The following UGT1A4 variants were observed in gnomAD, a reference collection of about 807,000 sequenced individuals.
UGT1A4 encodes the protein UDP glucuronosyltransferase family 1 member A4.
A neutral mutation model predicts 41.1 loss-of-function variants in UGT1A4; 32 were observed. The observed-to-expected ratio is 0.78, with a 90% CI of 0.59 to 1.05. The LOEUF is 1.05. UGT1A4 is among the 50% of genes least tolerant of loss of function. The probability of loss-of-function intolerance (pLI) is 0.00; values close to 1 mark genes in which losing one functional copy is unlikely to be tolerated. For missense variants in UGT1A4, 748 were observed against 677.4 expected, an observed-to-expected ratio of 1.10 and a Z score of -1.16; for synonymous variants, 283 against 265.1, an observed-to-expected ratio of 1.07 and a Z score of -0.66.
chr2:233,762,168 C>A (rs986737504), intron 1 of UGT1A4, among the ~76,000 whole-genome samples: 2 of 152,090 alleles, frequency 1.3e-5, no homozygotes, highest in African/African-American at 2.4e-5. Flanking sequence ...CCACTGTATG[C>A]GGCGTCCTCA....
At chr2:233,733,206 G>C (rs1439179922) in intron 1 of UGT1A4, among the ~76,000 whole-genome samples, 1 of 152,146 alleles carries the variant, frequency 6.6e-6, no homozygotes, top group Non-Finnish European at 1.5e-5. Context: ...AGGAGACTTT[G>C]GGCTGAGACA....
rs1321370763 is a variant in UGT1A4 at position 233,760,541 on chromosome 2, G to A, written c.868-6493G>A. 6.2e-7 allele frequency: 1 copy of A among 1,614,268 alleles called. No homozygotes were observed. Among genetic ancestry groups the A allele is most frequent in the Non-Finnish European group, 8.5e-7 (1 of 1,180,050 alleles). On this transcript the variant is annotated intron_variant, in intron 1 of 4. Coordinates refer to ENST00000373409, the MANE Select transcript of UGT1A4 (RefSeq NM_007120.3). ...AAGACGTACCCTGTGCCATTCCAAA[G>A]GGAGGATGTGAAAGAGTCTTTTGTT... is the stretch of plus-strand genomic sequence containing the variant.
At chr2:233,745,046 G>GT (rs1692997137) in intron 1 of UGT1A4, among the ~76,000 whole-genome samples, 1 of 151,780 alleles carries the variant, frequency 6.6e-6, no homozygotes, top group Admixed American at 6.6e-5. Flanking sequence ...TACAGTATTG[G>GT]TTTTTTATTT....
At chr2:233,738,083 T>G (rs1690690537) in intron 1 of UGT1A4, among the ~76,000 whole-genome samples, 1 of 152,170 alleles carries the variant, frequency 6.6e-6, no homozygotes, top group Admixed American at 6.5e-5. Context: ...CCTAATCTCA[T>G]CATAGTGAGT....
In UGT1A4 at chr2:233,725,076, A is replaced by C. The variant is rs376662690; in HGVS notation, c.867+5389A>C. ...GCGGCGCGCGCCTGCAATCGCAGGC[A>C]CTCGGCAGGCTGAGGCAGGAGAATC... On this transcript the variant is annotated intron_variant, in intron 1 of 4. Transcript: ENST00000373409. 3.9e-4 allele frequency among the ~76,000 whole-genome samples: 56 copies of C among 144,798 alleles called. 8 individuals are homozygous for C. In the East Asian group the frequency reaches 0.012, roughly 30 times the overall value. 95.0% of individuals were successfully genotyped at this position (144,798 alleles called of 152,430 possible).
chr2:233,768,737 C>A (rs947383404), intron 4 of UGT1A4, among the ~76,000 whole-genome samples: 9 of 151,868 alleles, frequency 5.9e-5, no homozygotes, highest in Admixed American at 5.2e-4. Flanking sequence ...TGTCCACCAC[C>A]ACGCCCGGTT....
Position 233,724,489 on chromosome 2 carries a change from G to A in UGT1A4, c.867+4802G>A, listed in dbSNP as rs571092299. Among the ~76,000 whole-genome samples the A allele has an allele frequency of 7.6e-3, 558 of 73,198 alleles. 28 individuals carry two copies. The highest frequency in any genetic ancestry group is 0.012 in the Non-Finnish European group (429 of 34,572). 48.0% of individuals were successfully genotyped at this position (73,198 alleles called of 152,430 possible). A position where few individuals can be genotyped will look rare whatever the true frequency, so the allele number is the denominator to read the frequency against. ...GGGCTCCTCACTTCTCAGACGGGGC[G>A]GCCGGGCAGAGACGCTCCTCACCTC... On this transcript the variant is annotated intron_variant, in intron 1 of 4. Coordinates refer to ENST00000373409, the MANE Select transcript of UGT1A4 (RefSeq NM_007120.3).
chr2:233,754,621 C>T (rs773983465), intron 1 of UGT1A4: 4 of 441,750 alleles, frequency 9.1e-6, no homozygotes, highest in South Asian at 6.4e-5. Flanking sequence ...TCTTCCTCCA[C>T]TTCCACCCTT....
intron 1 of UGT1A4, among the ~76,000 whole-genome samples, chr2:233,749,373 T>C (rs1474844214): frequency 3.9e-5 from 6 of 151,924 alleles, no homozygotes; most frequent in Non-Finnish European, 7.3e-5. Flanking sequence ...TGCCCTTTTC[T>C]TCCAGTTTTT....
At chr2:233,752,742 C>T (rs1695047003) in intron 1 of UGT1A4, among the ~76,000 whole-genome samples, 1 of 152,068 alleles carries the variant, frequency 6.6e-6, no homozygotes, top group South Asian at 2.1e-4. Flanking sequence ...GAGACCCTGT[C>T]TCTAAAACAA....
At chr2:233,730,293 G>T (rs1228640650) in intron 1 of UGT1A4, among the ~76,000 whole-genome samples, 1 of 152,186 alleles carries the variant, frequency 6.6e-6, no homozygotes, top group East Asian at 1.9e-4. Context: ...TCATGGTTGT[G>T]CATGTCCTTC....
intron 1 of UGT1A4, among the ~76,000 whole-genome samples, chr2:233,745,884 T>C (rs1158721424): frequency 1.3e-5 from 2 of 150,192 alleles, no homozygotes; most frequent in East Asian, 2.0e-4. Flanking sequence ...GAAGTGTTGG[T>C]GGGGTGGCGT....
intron 1 of UGT1A4, among the ~76,000 whole-genome samples, chr2:233,733,533 G>T (rs184573517): frequency 6.6e-6 from 1 of 152,150 alleles, no homozygotes; most frequent in African/African-American, 2.4e-5. Flanking sequence ...GTTTAATTTT[G>T]TTGAAGGCCT....
intron 1 of UGT1A4, among the ~76,000 whole-genome samples, chr2:233,751,045 G>GA (rs1443230816): frequency 1.3e-5 from 2 of 152,004 alleles, no homozygotes; most frequent in East Asian, 3.9e-4. Flanking sequence ...TGTGTGCCTG[G>GA]AAAAGACACA....
intron 1 of UGT1A4, among the ~76,000 whole-genome samples, chr2:233,740,479 C>T (rs1387993286): frequency 6.6e-6 from 1 of 151,850 alleles, no homozygotes; most frequent in East Asian, 1.9e-4. Context: ...AGGATCATTC[C>T]CTCTTCCAGA....
chr2:233,743,701 C>G (rs13009407), intron 1 of UGT1A4: 330,777 of 1,367,248 alleles, frequency 0.24, 43,102 homozygotes, highest in South Asian at 0.3. Flanking sequence ...CGCCCTCCGC[C>G]CCCGCCTCGC....
rs757417206 is a variant in UGT1A4, at chr2:233,772,349, T to C, written c.1395T>C (p.Phe465=). Residue 465 remains phenylalanine (F), a synonymous_variant, in exon 5 of 5, where the codon TTT becomes TTC. Coordinates refer to ENST00000373409, the MANE Select transcript of UGT1A4 (RefSeq NM_007120.3). ...ACCTGGCCGTGTTCTGGGTGGAGTT[T>C]GTGATGAGGCACAAGGGCGCGCCAC... ...PLDLAVFWVE[F]VMRHKGAPHL... is the part of the protein sequence containing the mutation. 2 of 1,614,272 alleles carry C rather than the reference T, an allele frequency of 1.2e-6. No individual in the cohort carries two copies. The highest frequency in any genetic ancestry group is 1.7e-5 in the Admixed American group (1 of 60,034).
At chr2:233,758,087 A>T (rs1470307117) in intron 1 of UGT1A4, among the ~76,000 whole-genome samples, 1 of 152,172 alleles carries the variant, frequency 6.6e-6, no homozygotes, top group Non-Finnish European at 1.5e-5. Context: ...TTCCTAGCAT[A>T]GTGACTGCCA....
chr2:233,752,963 T>C (rs372881238), intron 1 of UGT1A4, among the ~76,000 whole-genome samples: 4 of 152,322 alleles, frequency 2.6e-5, no homozygotes, highest in African/African-American at 4.8e-5. Context: ...GGGATTTATG[T>C]AACCAATTGT....
Sources: gnomAD v4.1 joint callset for allele counts (sites outside exome capture counted in the v4.1 genomes callset) on GRCh38, gnomAD v4.1.1 for gene constraint, MANE v1.5 for transcripts, NCBI Gene and HGNC (gene_info 2026-07-23, HGNC 2026-07-21) for gene names.